Variants in APCDD1L observed in about 807,000 individuals in gnomAD.
APCDD1L encodes the protein APC down-regulated 1 like.
APCDD1L carries 21 observed loss-of-function variants against 24.2 expected under a neutral mutation model. The observed-to-expected ratio is 0.87, with a 90% CI of 0.61 to 1.25. The LOEUF (loss-of-function observed/expected upper bound fraction) is 1.25. Among genes scored for constraint, APCDD1L ranks in the 50% most tolerant of loss-of-function variants. The probability of loss-of-function intolerance (pLI) is 0.00; values close to 1 mark genes in which losing one functional copy is unlikely to be tolerated. For missense variants in APCDD1L, 704 were observed against 711.7 expected (o/e 0.99, Z 0.12); for synonymous variants, 321 against 323.6 (o/e 0.99, Z 0.09).
At chr20:58,486,930 T>A (rs1990129677) in intron 1 of APCDD1L, among the ~76,000 whole-genome samples, 1 of 131,126 alleles carries the variant, frequency 7.6e-6, no homozygotes, top group Non-Finnish European at 1.5e-5. Context: ...GGCACAATCT[T>A]GGCTCACTGC....
At chr20:58,471,049 G>A (rs1276833325) in intron 1 of APCDD1L, among the ~76,000 whole-genome samples, 1 of 152,204 alleles carries the variant, frequency 6.6e-6, no homozygotes, top group Non-Finnish European at 1.5e-5. Flanking sequence ...TCTGAGAATT[G>A]TACACGTGGA....
intron 1 of APCDD1L, among the ~76,000 whole-genome samples, chr20:58,495,007 C>T (rs192074138): frequency 6.6e-6 from 1 of 152,318 alleles, no homozygotes; most frequent in Non-Finnish European, 1.5e-5. Flanking sequence ...CCCCTGGAGC[C>T]TGCTGCCCCC....
intron 1 of APCDD1L, among the ~76,000 whole-genome samples, chr20:58,492,673 A>T (rs891747516): frequency 2.0e-5 from 3 of 152,286 alleles, no homozygotes; most frequent in Non-Finnish European, 4.4e-5. Flanking sequence ...ATTTTCTGTG[A>T]ATCACAATCA....
intron 1 of APCDD1L, among the ~76,000 whole-genome samples, chr20:58,481,952 A>G (rs907486158): frequency 6.6e-6 from 1 of 152,178 alleles, no homozygotes. Flanking sequence ...CAACAACACA[A>G]CAAAAGCTCC....
At chr20:58,480,238 C>A (rs1302948687) in intron 1 of APCDD1L, among the ~76,000 whole-genome samples, 1 of 152,198 alleles carries the variant, frequency 6.6e-6, no homozygotes, top group African/African-American at 2.4e-5. Flanking sequence ...CCCGCCGCAG[C>A]CTTCAGCATC....
At chr20:58,482,359 A>AT (rs1350999957) in intron 1 of APCDD1L, among the ~76,000 whole-genome samples, 1 of 152,234 alleles carries the variant, frequency 6.6e-6, no homozygotes, top group East Asian at 1.9e-4. Context: ...AAGACCGGCT[A>AT]TAAGTCTGAA....
At chr20:58,506,626 C>T (rs1427642937) in intron 1 of APCDD1L, among the ~76,000 whole-genome samples, 1 of 152,236 alleles carries the variant, frequency 6.6e-6, no homozygotes, top group Non-Finnish European at 1.5e-5. Flanking sequence ...AATTCCGGAG[C>T]CCAGCCCATT....
At chr20:58,499,761 C>A (rs980221376) in intron 1 of APCDD1L, among the ~76,000 whole-genome samples, 1 of 152,230 alleles carries the variant, frequency 6.6e-6, no homozygotes, top group Non-Finnish European at 1.5e-5. Flanking sequence ...CACCCCTGTG[C>A]CAAACACCCC....
chr20:58,461,591 A>G lies in APCDD1L; in HGVS notation c.742-37T>C. On this transcript the variant is annotated intron_variant, in intron 3 of 3. Coordinates refer to ENST00000371149, the MANE Select transcript of APCDD1L (RefSeq NM_153360.3). The surrounding 1 kb of genome is among the most constrained non-coding windows in gnomAD (Gnocchi z 6.0). ...CAAACAGAAAAACGGTGGTTGTCCC[A>G]CATAGAGAAGTTGGGGTGCAGCCTG... 7.1e-7 allele frequency: 1 copy of G among 1,401,272 alleles called. No homozygotes were observed. The highest frequency in any genetic ancestry group is 2.6e-5 in the East Asian group (1 of 38,892). The allele number at this position is 1,401,272 out of a possible 1,614,324, so 86.8% of individuals were successfully genotyped here.
rs141772717 is a variant in APCDD1L at position 58,460,861 on chromosome 20, C to T, written c.1435G>A (p.Gly479Arg). The T allele has an allele frequency of 6.3e-5, 99 of 1,573,394 alleles. No individual in the cohort carries two copies. The highest frequency in any genetic ancestry group is 8.0e-5 in the Non-Finnish European group (93 of 1,157,780). Reference protein sequence around the residue: ...RPSLQKHPSTGGLHIAPFPLL... With the variant: ...RPSLQKHPSTRGLHIAPFPLL... The stretch of plus-strand genomic sequence containing the variant: ...GGGAAGGGGGCTATGTGAAGACCCC[C>T]TGTGCTGGGGTGCTTCTGCAGCGAT... Residue 479 changes from glycine (G) to arginine (R), a missense_variant, in exon 4 of 4, where the codon GGG (glycine) becomes AGG (arginine). Coordinates refer to ENST00000371149, the MANE Select transcript of APCDD1L (RefSeq NM_153360.3). The surrounding 1 kb of genome is among the most constrained non-coding windows in gnomAD (Gnocchi z 4.2).
intron 1 of APCDD1L, among the ~76,000 whole-genome samples, chr20:58,506,483 C>G (rs1001246563): frequency 6.6e-6 from 1 of 152,160 alleles, no homozygotes; most frequent in African/African-American, 2.4e-5. Context: ...GTGAACTTCC[C>G]ACATGGACAC....
intron 1 of APCDD1L, among the ~76,000 whole-genome samples, chr20:58,472,629 A>G (rs1028102605): frequency 4.6e-5 from 7 of 152,220 alleles, no homozygotes; most frequent in African/African-American, 1.7e-4. Context: ...TTCATCCTGC[A>G]ACTGATTTAT....
At chr20:58,514,599 G>T (rs375825294) in intron 1 of APCDD1L, 60 bp downstream of exon 1, 15 of 1,285,756 alleles carry the variant, frequency 1.2e-5, no homozygotes, top group Non-Finnish European at 1.5e-5. Context: ...GACATTAGAC[G>T]GCGAGCTCCC....
intron 1 of APCDD1L, among the ~76,000 whole-genome samples, chr20:58,482,209 A>C (rs1387494180): frequency 6.6e-6 from 1 of 152,178 alleles, no homozygotes; most frequent in Non-Finnish European, 1.5e-5. Flanking sequence ...CCTAGAGTGC[A>C]ATTTTGTGGG....
intron 1 of APCDD1L, 119 bp from the exon 2 acceptor site, chr20:58,470,866 T>A: frequency 1.4e-5 from 19 of 1,378,620 alleles, no homozygotes; most frequent in Non-Finnish European, 1.8e-5. Flanking sequence ...GCAACCTCCA[T>A]CGCAGCCCCG....
rs571319620 is a variant in APCDD1L at position 58,467,077 on chromosome 20, C to A, written c.741+29G>T. The A allele has an allele frequency of 3.2e-6, 5 of 1,564,096 alleles. No homozygotes were observed. The highest frequency in any genetic ancestry group is 2.3e-5 in the South Asian group (2 of 87,368). ...TCGCCTCCCCGAGACCACCACCCCCCTCTCCCACACCCCAACACACACACT... is the reference window on the plus strand; with the variant it reads ...TCGCCTCCCCGAGACCACCACCCCCATCTCCCACACCCCAACACACACACT... On this transcript the variant is annotated intron_variant, in intron 3 of 3. Transcript: ENST00000371149. The surrounding 1 kb of genome is among the most constrained non-coding windows in gnomAD (Gnocchi z 5.9).
Position 58,514,848 on chromosome 20 carries a change from C to T in APCDD1L, c.-141G>A, listed in dbSNP as rs1020868523. ...AGAAGTTGCGAGGGTCCTGCGCCCC[C>T]CTCGGCGCTCACACGCGCTCAGCCT... On this transcript the variant is annotated 5_prime_UTR_variant, in exon 1 of 4. Coordinates refer to ENST00000371149, the MANE Select transcript of APCDD1L (RefSeq NM_153360.3). 1.8e-6 allele frequency: 1 copy of T among 568,406 alleles called. No individual in the cohort carries two copies. The highest frequency in any genetic ancestry group is 2.6e-6 in the Non-Finnish European group (1 of 378,338). The allele number at this position is 568,406 out of a possible 1,614,324, so 35.2% of individuals were successfully genotyped here.
chr20:58,492,392 T>A (rs1990239054), intron 1 of APCDD1L, among the ~76,000 whole-genome samples: 1 of 152,212 alleles, frequency 6.6e-6, no homozygotes, highest in Non-Finnish European at 1.5e-5. Flanking sequence ...AAGTTGGTAT[T>A]TCACAAAAGA....
In APCDD1L at chr20:58,508,317, G is replaced by A. The variant is rs760976930; in HGVS notation, c.49+6342C>T. 1.1e-4 allele frequency among the ~76,000 whole-genome samples: 16 copies of A among 152,172 alleles called. No individual in the cohort carries two copies. The highest frequency in any genetic ancestry group is 1.9e-4 in the Non-Finnish European group (13 of 68,032). Reference sequence around the variant, plus strand: ...ACTATCCTCCCTAAGAAGAAAGAGAGGTTATCTGTGAAGTGTGTGGAGATG... The same window carrying A: ...ACTATCCTCCCTAAGAAGAAAGAGAAGTTATCTGTGAAGTGTGTGGAGATG... On this transcript the variant is annotated intron_variant, in intron 1 of 3. Transcript: ENST00000371149. The surrounding 1 kb of genome is among the most constrained non-coding windows in gnomAD (Gnocchi z 4.0).
Sources: gnomAD v4.1 joint callset for allele counts (sites outside exome capture counted in the v4.1 genomes callset) on GRCh38, gnomAD v4.1.1 for gene constraint, Gnocchi (gnomAD v3.1) non-coding constraint, MANE v1.5 for transcripts, NCBI Gene and HGNC (gene_info 2026-07-23, HGNC 2026-07-21) for gene names.